The following NRG3 variants were observed in gnomAD, a reference collection of about 807,000 sequenced individuals.
NRG3 encodes the protein neuregulin 3.
NRG3 carries 31 observed loss-of-function variants against 66.9 expected under a neutral mutation model. The ratio of observed to expected loss-of-function variants is 0.46; its 90% confidence interval spans 0.35 to 0.63. The LOEUF is 0.63. NRG3 is among the 20% of genes least tolerant of loss of function. The pLI is 0.00. For missense variants in NRG3, 910 were observed against 878.9 expected, an observed-to-expected ratio of 1.04 and a Z score of -0.45; for synonymous variants, 393 against 359.4, an observed-to-expected ratio of 1.09 and a Z score of -1.06.
intron 1 of NRG3, among the ~76,000 whole-genome samples, chr10:81,882,333 C>G (rs1051650666): frequency 3.3e-5 from 5 of 151,924 alleles, no homozygotes; most frequent in Non-Finnish European, 4.4e-5. Flanking sequence ...TAGGAGGTAA[C>G]AGTATTAGAA....
intron 2 of NRG3, among the ~76,000 whole-genome samples, chr10:82,617,514 A>C (rs2133573588): frequency 6.6e-6 from 1 of 152,300 alleles, no homozygotes; most frequent in East Asian, 1.9e-4. Flanking sequence ...GCTCTGACAT[A>C]AATGTCTGTT....
chr10:82,793,902 G>T (rs1051244460), intron 3 of NRG3, among the ~76,000 whole-genome samples: 6 of 152,054 alleles, frequency 3.9e-5, no homozygotes, highest in African/African-American at 1.4e-4. Context: ...CCACTAGAGG[G>T]TTAATATTTT....
intron 2 of NRG3, among the ~76,000 whole-genome samples, chr10:82,362,537 A>G (rs965863607): frequency 9.9e-6 from 1 of 101,216 alleles, no homozygotes; most frequent in Non-Finnish European, 1.8e-5. Flanking sequence ...CCATGCCCAG[A>G]TAATTTCTGG....
At chr10:82,133,393 T>C (rs1187980472) in intron 1 of NRG3, among the ~76,000 whole-genome samples, 1 of 152,198 alleles carries the variant, frequency 6.6e-6, no homozygotes, top group Non-Finnish European at 1.5e-5. Context: ...TTATATTTTC[T>C]GTTCGTCTCC....
chr10:82,534,496 C>T (rs1278896408), intron 2 of NRG3, among the ~76,000 whole-genome samples: 3 of 152,032 alleles, frequency 2.0e-5, no homozygotes, highest in Admixed American at 1.3e-4. Flanking sequence ...AATTCCTGAC[C>T]TCAGGTGATC....
intron 1 of NRG3, among the ~76,000 whole-genome samples, chr10:81,988,934 G>T: frequency 6.6e-6 from 1 of 151,784 alleles, no homozygotes; most frequent in South Asian, 2.1e-4. Context: ...AGGCTGGGTA[G>T]AAGAACAGAG....
intron 2 of NRG3, among the ~76,000 whole-genome samples, chr10:82,496,810 A>G (rs1289584231): frequency 6.6e-6 from 1 of 152,314 alleles, no homozygotes; most frequent in Non-Finnish European, 1.5e-5. Context: ...ATTTTAGATT[A>G]CATTCTTAGA....
intron 1 of NRG3, among the ~76,000 whole-genome samples, chr10:82,341,597 T>C (rs2082692501): frequency 1.3e-5 from 2 of 152,118 alleles, no homozygotes; most frequent in African/African-American, 4.8e-5. Flanking sequence ...TTTATATGTA[T>C]ATATCTGTTT....
chr10:82,174,870 C>T (rs1298810611), intron 1 of NRG3, among the ~76,000 whole-genome samples: 1 of 152,064 alleles, frequency 6.6e-6, no homozygotes, highest in Non-Finnish European at 1.5e-5. Flanking sequence ...TCTCTACTTC[C>T]CATTTTCTAA....
chr10:82,280,263 A>G (rs1013465383), intron 1 of NRG3, among the ~76,000 whole-genome samples: 11 of 152,208 alleles, frequency 7.2e-5, no homozygotes, highest in African/African-American at 2.7e-4. Flanking sequence ...GATATTAAAT[A>G]GGGCACAAGA....
intron 1 of NRG3, among the ~76,000 whole-genome samples, chr10:82,269,350 A>C (rs1422089214): frequency 2.0e-5 from 3 of 152,146 alleles, no homozygotes; most frequent in Admixed American, 1.3e-4. Context: ...TCATAAGTGG[A>C]AACAGTCATA....
intron 1 of NRG3, among the ~76,000 whole-genome samples, chr10:81,942,987 T>C (rs1848529264): frequency 6.6e-6 from 1 of 152,192 alleles, no homozygotes; most frequent in Admixed American, 6.6e-5. Flanking sequence ...ACCGGCCAGT[T>C]TGTGTTTTCT....
intron 1 of NRG3, among the ~76,000 whole-genome samples, chr10:82,028,371 C>T (rs995207865): frequency 6.6e-5 from 10 of 152,020 alleles, no homozygotes; most frequent in Admixed American, 6.6e-5. Context: ...ACTTTGTTGC[C>T]TCGTTTGTTG....
chr10:82,666,406 T>C (rs1367047583), intron 2 of NRG3, among the ~76,000 whole-genome samples: 1 of 152,240 alleles, frequency 6.6e-6, no homozygotes, highest in Admixed American at 6.5e-5. Flanking sequence ...TTATCCCATT[T>C]AACCTGATTA....
intron 1 of NRG3, among the ~76,000 whole-genome samples, chr10:82,287,223 C>A (rs918904392): frequency 6.6e-5 from 10 of 151,994 alleles, no homozygotes; most frequent in Non-Finnish European, 8.8e-5. Flanking sequence ...CCCGGTGATA[C>A]TGAGTAAGTT....
In NRG3 at chr10:82,028,896, T is replaced by G. The variant is rs577427303; in HGVS notation, c.823+152733T>G. Among the ~76,000 whole-genome samples the G allele has an allele frequency of 2.4e-4, 37 of 152,162 alleles. No individual in the cohort carries two copies. The South Asian group carries it at 6.6e-3, about 27-fold the overall frequency. ...AGAATCAGCACGGTTTGGTGCGATG[T>G]TGAAAAGTCATCAGAATCAAAAAAC... On this transcript the variant is annotated intron_variant, in intron 1 of 8. Transcript: ENST00000372141.
intron 1 of NRG3, among the ~76,000 whole-genome samples, chr10:82,183,535 A>G (rs1216036267): frequency 6.6e-6 from 1 of 152,018 alleles, no homozygotes; most frequent in African/African-American, 2.4e-5. Context: ...CGGACCACAT[A>G]CTGAGAACTG....
At chr10:82,377,037 T>A (rs1036923929) in intron 2 of NRG3, among the ~76,000 whole-genome samples, 1 of 152,208 alleles carries the variant, frequency 6.6e-6, no homozygotes, top group East Asian at 1.9e-4. Flanking sequence ...TATTTGCTGA[T>A]TGAATATGTG....
intron 2 of NRG3, among the ~76,000 whole-genome samples, chr10:82,625,612 G>T (rs777419566): frequency 5.3e-5 from 8 of 152,122 alleles, no homozygotes; most frequent in Non-Finnish European, 1.2e-4. Flanking sequence ...CATCTGTCTG[G>T]TCTTTGGAAA....
Sources: gnomAD v4.1 joint callset for allele counts (sites outside exome capture counted in the v4.1 genomes callset) on GRCh38, gnomAD v4.1.1 for gene constraint, MANE v1.5 for transcripts, NCBI Gene and HGNC (gene_info 2026-07-23, HGNC 2026-07-21) for gene names.